Variants in MACROD2 observed in about 807,000 individuals in gnomAD.
MACROD2 encodes ADP-ribose glycohydrolase MACROD2.
A neutral mutation model predicts 70.4 loss-of-function variants in MACROD2; 36 were observed. That is an observed-to-expected ratio of 0.51 (90% CI 0.39 to 0.68). The LOEUF (loss-of-function observed/expected upper bound fraction) is 0.68. MACROD2 is among the 30% of genes least tolerant of loss of function. The probability of loss-of-function intolerance (pLI) is 0.00; values close to 1 mark genes in which losing one functional copy is unlikely to be tolerated. For missense variants in MACROD2, 496 were observed against 538.4 expected (o/e 0.92, Z 0.78); for synonymous variants, 172 against 178.8 (o/e 0.96, Z 0.30).
intron 4 of MACROD2, among the ~76,000 whole-genome samples, chr20:14,676,630 G>A (rs187703525): frequency 8.2e-4 from 125 of 152,116 alleles, no homozygotes; most frequent in African/African-American, 2.6e-3. Flanking sequence ...ATCTAAAATC[G>A]ACACCCTAAC....
At chr20:15,433,352 T>A (rs379763) in intron 7 of MACROD2, among the ~76,000 whole-genome samples, 100,838 of 151,052 alleles carry the variant, frequency 0.67, 34,738 homozygotes, top group African/African-American at 0.82. Flanking sequence ...AATTCAGGAA[T>A]GTCTCAGGAT....
intron 2 of MACROD2, among the ~76,000 whole-genome samples, chr20:14,078,791 AG>A (rs1309188996): frequency 6.6e-6 from 1 of 152,150 alleles, no homozygotes; most frequent in Non-Finnish European, 1.5e-5. Context: ...TCTTTCACCT[AG>A]TAAAAATTTT....
rs2076054098 is a variant in MACROD2 at position 15,124,648 on chromosome 20, T to C, written c.419-105292T>C. 2.0e-5 allele frequency among the ~76,000 whole-genome samples: 3 copies of C among 152,070 alleles called. No individual in the cohort carries two copies. The South Asian group carries it at 6.2e-4, about 32-fold the overall frequency. On this transcript the variant is annotated intron_variant, in intron 5 of 17. Coordinates refer to ENST00000684519, the MANE Select transcript of MACROD2 (RefSeq NM_001351661.2). ...TTTGAGATATCTCCTTACCATTTTTTCTATGAAAGTGATAATTTAAATATA... is the reference window on the plus strand; with the variant it reads ...TTTGAGATATCTCCTTACCATTTTTCCTATGAAAGTGATAATTTAAATATA...
intron 3 of MACROD2, among the ~76,000 whole-genome samples, chr20:14,275,235 A>G (rs981735256): frequency 1.1e-4 from 16 of 152,198 alleles, no homozygotes; most frequent in African/African-American, 3.6e-4. Flanking sequence ...AAACTATACT[A>G]CAAGGCTACA....
intron 3 of MACROD2, among the ~76,000 whole-genome samples, chr20:14,276,131 A>T (rs1465449893): frequency 2.0e-5 from 3 of 152,166 alleles, no homozygotes; most frequent in African/African-American, 4.8e-5. Context: ...TACTGGGTGT[A>T]TACCCAAAGG....
At chr20:14,515,593 A>T (rs1337533987) in intron 4 of MACROD2, among the ~76,000 whole-genome samples, 1 of 152,030 alleles carries the variant, frequency 6.6e-6, no homozygotes, top group Non-Finnish European at 1.5e-5. Flanking sequence ...GCTAAATGAA[A>T]TAAGCCAGGC....
chr20:15,508,304 G>A (rs965329571), intron 8 of MACROD2, among the ~76,000 whole-genome samples: 2 of 151,654 alleles, frequency 1.3e-5, no homozygotes, highest in African/African-American at 4.8e-5. Context: ...CTGGGGGTGA[G>A]TGGTTTGGGG....
chr20:15,810,621 A>G (rs1341359701), intron 8 of MACROD2, among the ~76,000 whole-genome samples: 1 of 152,248 alleles, frequency 6.6e-6, no homozygotes, highest in Non-Finnish European at 1.5e-5. Context: ...AAGAGCCCGC[A>G]TTGCCAAGTC....
chr20:14,812,930 G>A (rs1477721008), intron 5 of MACROD2, among the ~76,000 whole-genome samples: 1 of 152,070 alleles, frequency 6.6e-6, no homozygotes, highest in Admixed American at 6.6e-5. Context: ...TACTTCTGAT[G>A]TGCTGGCTAT....
intron 3 of MACROD2, among the ~76,000 whole-genome samples, chr20:14,165,515 C>T (rs559823673): frequency 6.6e-6 from 1 of 152,210 alleles, no homozygotes; most frequent in East Asian, 1.9e-4. Context: ...TATTTGGGTT[C>T]TTCTTTGTGG....
chr20:14,795,270 C>A (rs968964680), intron 5 of MACROD2, among the ~76,000 whole-genome samples: 2 of 151,904 alleles, frequency 1.3e-5, no homozygotes, highest in African/African-American at 4.8e-5. Flanking sequence ...CTGTTGACTG[C>A]AGAGAATGGA....
intron 8 of MACROD2, among the ~76,000 whole-genome samples, chr20:15,615,120 A>C (rs2049020155): frequency 1.3e-5 from 2 of 152,144 alleles, no homozygotes; most frequent in East Asian, 3.9e-4. Context: ...GGTTCTGAGG[A>C]GACGACAGCA....
At chr20:15,633,562 C>T (rs561019020) in intron 8 of MACROD2, among the ~76,000 whole-genome samples, 5 of 128,104 alleles carry the variant, frequency 3.9e-5, no homozygotes, top group Non-Finnish European at 7.9e-5. Context: ...ATAGAAGCAT[C>T]CGTGAATTTT....
At chr20:14,751,007 GAAT>G (rs1257148072) in intron 5 of MACROD2, among the ~76,000 whole-genome samples, 1 of 151,872 alleles carries the variant, frequency 6.6e-6, no homozygotes, top group African/African-American at 2.4e-5. Context: ...TTTAATTAAA[GAAT>G]AATAAGATCT....
chr20:14,908,514 A>G (rs1453116637), intron 5 of MACROD2, among the ~76,000 whole-genome samples: 2 of 151,948 alleles, frequency 1.3e-5, no homozygotes, highest in East Asian at 1.9e-4. Flanking sequence ...AATTAGCCGG[A>G]CTTGTTGTCA....
intron 5 of MACROD2, among the ~76,000 whole-genome samples, chr20:15,212,273 T>A (rs79921330): frequency 1.5e-4 from 23 of 152,342 alleles, no homozygotes; most frequent in Non-Finnish European, 3.1e-4. Flanking sequence ...ATTTTAGAAG[T>A]ATGCTTTCTT....
intron 5 of MACROD2, among the ~76,000 whole-genome samples, chr20:15,002,671 TG>T (rs1028270146): frequency 4.2e-4 from 64 of 152,036 alleles, no homozygotes; most frequent in African/African-American, 1.5e-3. Flanking sequence ...ATGAGCAAAA[TG>T]GTCAGGGTGT....
intron 5 of MACROD2, among the ~76,000 whole-genome samples, chr20:14,841,267 TTC>T (rs2073084108): frequency 6.6e-6 from 1 of 152,082 alleles, no homozygotes; most frequent in South Asian, 2.1e-4. Context: ...CTCTGAGAGT[TTC>T]TCTGACAATC....
intron 2 of MACROD2, among the ~76,000 whole-genome samples, chr20:14,073,668 C>T (rs2053879826): frequency 6.6e-6 from 1 of 151,910 alleles, no homozygotes; most frequent in Non-Finnish European, 1.5e-5. Flanking sequence ...TACAGGACAC[C>T]CACTAATTTC....
Sources: allele counts gnomAD v4.1 joint callset (sites outside exome capture counted in the v4.1 genomes callset), GRCh38; gene constraint gnomAD v4.1.1; transcripts MANE v1.5; gene names NCBI Gene and HGNC (gene_info 2026-07-23, HGNC 2026-07-21).